KCNMB2: variants seen among roughly 807,000 people sequenced by gnomAD.
KCNMB2 encodes the protein potassium calcium-activated channel subfamily M regulatory beta subunit 2, also known as calcium-activated potassium channel subunit beta-2.
KCNMB2 carries 9 observed loss-of-function variants against 24.5 expected under a neutral mutation model. That is an observed-to-expected ratio of 0.37 (90% CI 0.22 to 0.64). The LOEUF is 0.64. KCNMB2 is among the 30% of genes least tolerant of loss of function. The probability of loss-of-function intolerance (pLI) is 0.63; values close to 1 mark genes in which losing one functional copy is unlikely to be tolerated. For synonymous variants in KCNMB2, 109 were observed against 104.4 expected (o/e 1.04, Z -0.27); for missense variants, 226 against 284.3 (o/e 0.79, Z 1.47).
chr3:178,819,076 A>G (rs756452852), intron 2 of KCNMB2, among the ~76,000 whole-genome samples: 9 of 152,212 alleles, frequency 5.9e-5, no homozygotes, highest in Non-Finnish European at 1.0e-4. Context: ...CCCTGGGCCA[A>G]TTTAATCCAT....
intron 1 of KCNMB2, among the ~76,000 whole-genome samples, chr3:178,689,320 C>G (rs902220460): frequency 6.6e-6 from 1 of 152,000 alleles, no homozygotes; most frequent in Non-Finnish European, 1.5e-5. Context: ...CAGCTAGAAC[C>G]GCCTTGCATT....
intron 4 of KCNMB2, among the ~76,000 whole-genome samples, chr3:178,839,979 T>C (rs1480315955): frequency 6.6e-6 from 1 of 152,098 alleles, no homozygotes; most frequent in Non-Finnish European, 1.5e-5. Flanking sequence ...AAATTCCAAG[T>C]CCAAAGTCTC....
intron 1 of KCNMB2, among the ~76,000 whole-genome samples, chr3:178,754,123 C>G (rs560349949): frequency 1.4e-3 from 192 of 140,958 alleles, no homozygotes; most frequent in Non-Finnish European, 2.1e-3. Flanking sequence ...AGGATGCCCC[C>G]TTTTCATGGC....
chr3:178,780,753 T>A (rs1712797473), intron 1 of KCNMB2, among the ~76,000 whole-genome samples: 1 of 152,226 alleles, frequency 6.6e-6, no homozygotes, highest in Non-Finnish European at 1.5e-5. Context: ...AGCCTCAGCA[T>A]CCTCATTCAT....
intron 1 of KCNMB2, among the ~76,000 whole-genome samples, chr3:178,803,013 G>A (rs1317904610): frequency 6.6e-6 from 1 of 152,120 alleles, no homozygotes; most frequent in Non-Finnish European, 1.5e-5. Context: ...TGGTTAGTGT[G>A]TGCCACTAAC....
In KCNMB2 at chr3:178,825,738, C is replaced by T. The variant is rs201902716; in HGVS notation, c.207C>T (p.Leu69=). Residue 69 remains leucine, a synonymous_variant, in exon 3 of 5, where the codon CTC becomes CTT. Transcript: ENST00000452583. ...IMMYFLLGIT[L]LRSYMQSVWT... is the part of the protein sequence containing the mutation. ...TGTATTTTCTGCTGGGAATCACACT[C>T]CTGCGCTCATACATGCAGAGGTAAT... 1.6e-4 allele frequency: 254 copies of T among 1,613,252 alleles called. No homozygotes were observed. The highest frequency in any genetic ancestry group is 2.0e-4 in the Non-Finnish European group (236 of 1,179,380).
chr3:178,587,845 A>G (rs1300555167), intron 1 of KCNMB2, among the ~76,000 whole-genome samples: 11 of 149,818 alleles, frequency 7.3e-5, no homozygotes, highest in African/African-American at 2.5e-4. Context: ...CCATTAACTC[A>G]TCATTTAACA....
At chr3:178,691,411 T>C (rs1721672091) in intron 1 of KCNMB2, among the ~76,000 whole-genome samples, 1 of 151,834 alleles carries the variant, frequency 6.6e-6, no homozygotes, top group African/African-American at 2.4e-5. Context: ...CTTCCCACCC[T>C]CCAACCTCTA....
intron 1 of KCNMB2, among the ~76,000 whole-genome samples, chr3:178,807,121 G>A (rs900925325): frequency 2.6e-5 from 4 of 152,142 alleles, no homozygotes; most frequent in Admixed American, 6.5e-5. Flanking sequence ...TCTCAATCCC[G>A]GCAGTATGTT....
intron 1 of KCNMB2, among the ~76,000 whole-genome samples, chr3:178,749,526 T>C (rs913304312): frequency 3.3e-5 from 5 of 152,344 alleles, no homozygotes; most frequent in East Asian, 3.9e-4. Flanking sequence ...ACCTATATCA[T>C]AGTTGAGAGA....
At chr3:178,604,770 T>C (rs1718215069) in intron 1 of KCNMB2, among the ~76,000 whole-genome samples, 1 of 152,338 alleles carries the variant, frequency 6.6e-6, no homozygotes, top group South Asian at 2.1e-4. Context: ...TGAGAAAGCA[T>C]AGAATCTGGT....
chr3:178,580,437 C>T (rs1399745949), intron 1 of KCNMB2, among the ~76,000 whole-genome samples: 1 of 152,202 alleles, frequency 6.6e-6, no homozygotes, highest in Non-Finnish European at 1.5e-5. Flanking sequence ...AAGCTGGAAG[C>T]ATTCCCTTTG....
intron 1 of KCNMB2, among the ~76,000 whole-genome samples, chr3:178,583,975 G>A (rs1560118720): frequency 6.6e-6 from 1 of 152,194 alleles, no homozygotes; most frequent in Non-Finnish European, 1.5e-5. Flanking sequence ...TCCCTGGTTA[G>A]GAAAACTTAG....
intron 1 of KCNMB2, among the ~76,000 whole-genome samples, chr3:178,762,802 T>A (rs1290139503): frequency 6.6e-6 from 1 of 151,410 alleles, no homozygotes; most frequent in Non-Finnish European, 1.5e-5. Context: ...TATTATAAAA[T>A]TTTAGGCTTG....
chr3:178,841,337 T>C (rs1484022888), intron 4 of KCNMB2, among the ~76,000 whole-genome samples: 1 of 152,206 alleles, frequency 6.6e-6, no homozygotes, highest in Non-Finnish European at 1.5e-5. Context: ...TTATCCTTCA[T>C]CTTCCTGTCC....
chr3:178,604,528 T>C (rs1718207851), intron 1 of KCNMB2, among the ~76,000 whole-genome samples: 1 of 152,170 alleles, frequency 6.6e-6, no homozygotes, highest in Non-Finnish European at 1.5e-5. Flanking sequence ...TACCCTATGG[T>C]TTTAGTGCAA....
intron 1 of KCNMB2, among the ~76,000 whole-genome samples, chr3:178,797,350 A>C (rs1208677019): frequency 1.3e-5 from 2 of 152,216 alleles, no homozygotes; most frequent in Non-Finnish European, 2.9e-5. Flanking sequence ...ATTCAAAAAA[A>C]TAGAGCAGTA....
intron 1 of KCNMB2, among the ~76,000 whole-genome samples, chr3:178,614,247 T>TTATATATACA (rs1718600954): frequency 5.6e-5 from 3 of 53,464 alleles, no homozygotes; most frequent in Non-Finnish European, 1.1e-4. Flanking sequence ...TGGGCTAATT[T>TTATATATACA]TATATATATA....
intron 1 of KCNMB2, among the ~76,000 whole-genome samples, chr3:178,674,658 A>C (rs1217228266): frequency 6.6e-6 from 1 of 151,940 alleles, no homozygotes; most frequent in African/African-American, 2.4e-5. Context: ...ATTTCCAACA[A>C]AGCAGTCTCG....
Sources: gnomAD v4.1 joint callset for allele counts (sites outside exome capture counted in the v4.1 genomes callset) on GRCh38, gnomAD v4.1.1 for gene constraint, MANE v1.5 for transcripts, NCBI Gene and HGNC (gene_info 2026-07-23, HGNC 2026-07-21) for gene names.